The following PJA2 variants were observed in gnomAD, a reference collection of about 807,000 sequenced individuals.
PJA2 encodes the protein praja ring finger ubiquitin ligase 2.
PJA2 carries 25 observed loss-of-function variants against 69.3 expected under a neutral mutation model. The ratio of observed to expected loss-of-function variants is 0.36; its 90% confidence interval spans 0.26 to 0.50. PJA2 has a LOEUF of 0.50. Among genes scored for constraint, PJA2 ranks in the 20% least tolerant of loss-of-function variants. The pLI is 0.96. For synonymous variants in PJA2, 308 were observed against 277.8 expected (o/e 1.11, Z -1.08); for missense variants, 809 against 830.2 (o/e 0.97, Z 0.31).
Position 109,383,447 on chromosome 5 carries a change from T to C in PJA2, c.-14A>G, listed in dbSNP as rs747044223. The C allele has an allele frequency of 6.2e-7, 1 of 1,609,680 alleles. No individual in the cohort carries two copies. Among genetic ancestry groups the C allele is most frequent in the Non-Finnish European group, 8.5e-7 (1 of 1,176,658 alleles). ...GTACTGTGACATATATGGCAGCGTC[T>C]GTGTGACCAGTTCAGTAGAATTATA... On this transcript the variant is annotated 5_prime_UTR_variant, in exon 2 of 10. Transcript: ENST00000361189.
chr5:109,353,547 C>A (rs984959534), intron 7 of PJA2, among the ~76,000 whole-genome samples: 1 of 113,142 alleles, frequency 8.8e-6, no homozygotes, highest in Non-Finnish European at 1.6e-5. Flanking sequence ...TCATAGATAT[C>A]TATATATTAG....
chr5:109,369,166 C>A (rs552841982), intron 4 of PJA2, among the ~76,000 whole-genome samples: 1 of 152,118 alleles, frequency 6.6e-6, no homozygotes, highest in African/African-American at 2.4e-5. Context: ...ACCAATTAAA[C>A]CTCTTTTCTT....
chr5:109,388,035 C>A (rs1270233358), intron 1 of PJA2, among the ~76,000 whole-genome samples: 3 of 152,174 alleles, frequency 2.0e-5, no homozygotes, highest in Non-Finnish European at 4.4e-5. Context: ...AAACTGCTCT[C>A]AGTATTAGAG....
chr5:109,377,410 G>T (rs575833968), intron 4 of PJA2, among the ~76,000 whole-genome samples: 1 of 152,218 alleles, frequency 6.6e-6, no homozygotes, highest in South Asian at 2.1e-4. Context: ...TGGAAATTCA[G>T]CAACTGAACA....
chr5:109,358,106 T>A (rs1180164919), intron 6 of PJA2, among the ~76,000 whole-genome samples: 1 of 152,124 alleles, frequency 6.6e-6, no homozygotes, highest in Non-Finnish European at 1.5e-5. Context: ...ATAAACAAAA[T>A]CTCTGCAGCA....
chr5:109,339,432 G>A (rs1194685970), intron 9 of PJA2, among the ~76,000 whole-genome samples: 2 of 152,096 alleles, frequency 1.3e-5, no homozygotes. Flanking sequence ...GTACCCCACA[G>A]ATTTATGCAA....
rs184209943 is a variant in PJA2 at position 109,349,761 on chromosome 5, T to A, written c.1765-4942A>T. On this transcript the variant is annotated intron_variant, in intron 7 of 9. Coordinates refer to ENST00000361189, the MANE Select transcript of PJA2 (RefSeq NM_014819.5). Reference sequence around the variant, plus strand: ...CCAGACAGGTGGTGGCTGCTCCTTATATGCGCTTTTCCCATATTCTGTGTA... The same window carrying A: ...CCAGACAGGTGGTGGCTGCTCCTTAAATGCGCTTTTCCCATATTCTGTGTA... 1.2e-3 allele frequency among the ~76,000 whole-genome samples: 181 copies of A among 152,306 alleles called. 3 individuals are homozygous for A. The highest frequency in any genetic ancestry group is 4.3e-3 in the African/African-American group (177 of 41,572).
At chr5:109,405,783 T>C (rs1320707997) in intron 1 of PJA2, among the ~76,000 whole-genome samples, 5 of 152,202 alleles carry the variant, frequency 3.3e-5, no homozygotes, top group Admixed American at 2.0e-4. Context: ...CTAGAAAACT[T>C]ATAGAAAAAT....
At chr5:109,389,449 C>T (rs1364578691) in intron 1 of PJA2, among the ~76,000 whole-genome samples, 2 of 152,066 alleles carry the variant, frequency 1.3e-5, no homozygotes, top group African/African-American at 4.8e-5. Context: ...AATTCCCTTT[C>T]ATTAACAATT....
intron 1 of PJA2, among the ~76,000 whole-genome samples, chr5:109,395,209 G>A (rs76167545): frequency 0.03 from 4,618 of 152,194 alleles, 91 homozygotes; most frequent in Middle Eastern, 0.048. Flanking sequence ...ACGTTGACAA[G>A]AATTAACAAA....
At chr5:109,354,795 A>T (rs1402605538) in intron 7 of PJA2, among the ~76,000 whole-genome samples, 1 of 150,568 alleles carries the variant, frequency 6.6e-6, no homozygotes, top group Non-Finnish European at 1.5e-5. Flanking sequence ...TTAGATAGGT[A>T]CCTGCTATCT....
intron 6 of PJA2, among the ~76,000 whole-genome samples, chr5:109,360,459 A>G (rs1762488012): frequency 2.0e-5 from 3 of 152,196 alleles, no homozygotes; most frequent in Non-Finnish European, 2.9e-5. Context: ...AGCAGTGGCA[A>G]AACAAAAAAA....
At chr5:109,403,557 CAA>C (rs78887239) in intron 1 of PJA2, among the ~76,000 whole-genome samples, 4 of 129,016 alleles carry the variant, frequency 3.1e-5, no homozygotes, top group Non-Finnish European at 5.0e-5. Flanking sequence ...AACATAGATG[CAA>C]AAAAAAAAAA....
At chr5:109,383,639 T>C in intron 1 of PJA2, 119 bp from the exon 2 acceptor site, 1 of 427,942 alleles carries the variant, frequency 2.3e-6, no homozygotes, top group Non-Finnish European at 4.2e-6. Context: ...CAATGTGATG[T>C]AGCCAGCATG....
Position 109,409,878 on chromosome 5 carries a change from C to A in PJA2, c.-124G>T. On this transcript the variant is annotated 5_prime_UTR_variant, in exon 1 of 10. Transcript: ENST00000361189. ...GCGGCTCCGGAGCGAGAACAGCGCT[C>A]GAACCTCCACCCGCCACCACCGCCT... 1.2e-5 allele frequency: 2 copies of A among 168,764 alleles called. No homozygotes were observed. Among genetic ancestry groups the A allele is most frequent in the South Asian group, 2.2e-4 (2 of 9,258 alleles). The allele number at this position is 168,764 out of a possible 1,614,324, so 10.5% of individuals were successfully genotyped here. A position where few individuals can be genotyped will look rare whatever the true frequency, so the allele number is the denominator to read the frequency against.
At chr5:109,398,354 T>C (rs1237496097) in intron 1 of PJA2, among the ~76,000 whole-genome samples, 1 of 151,942 alleles carries the variant, frequency 6.6e-6, no homozygotes, top group Non-Finnish European at 1.5e-5. Context: ...CTATTCACAA[T>C]AGCATAGACT....
chr5:109,342,926 G>A (rs1762103841), intron 9 of PJA2, among the ~76,000 whole-genome samples: 2 of 72,108 alleles, frequency 2.8e-5, no homozygotes, highest in South Asian at 4.3e-4. Context: ...CGTCCGGGAG[G>A]TGAGGGGCGC....
chr5:109,392,674 T>C (rs1747309474), intron 1 of PJA2, among the ~76,000 whole-genome samples: 1 of 151,854 alleles, frequency 6.6e-6, no homozygotes, highest in East Asian at 1.9e-4. Context: ...GCTAGTACCA[T>C]ATAGGACCAA....
intron 6 of PJA2, among the ~76,000 whole-genome samples, chr5:109,357,441 G>GC (rs1762431977): frequency 6.6e-6 from 1 of 152,116 alleles, no homozygotes. Flanking sequence ...ATGATACAAA[G>GC]CAACAGACAT....
Sources: gnomAD v4.1 joint callset for allele counts (sites outside exome capture counted in the v4.1 genomes callset) on GRCh38, gnomAD v4.1.1 for gene constraint, MANE v1.5 for transcripts, NCBI Gene and HGNC (gene_info 2026-07-23, HGNC 2026-07-21) for gene names.